Variants in LYST observed in about 807,000 individuals in gnomAD.
LYST encodes lysosomal trafficking regulator.
LYST carries 192 observed loss-of-function variants against 413.6 expected under a neutral mutation model. The observed-to-expected ratio is 0.46, with a 90% CI of 0.41 to 0.52. LYST has a LOEUF of 0.52. LYST is among the 20% of genes least tolerant of loss of function. LYST has a pLI of 0.00. For synonymous variants in LYST, 1,525 were observed against 1,567.3 expected (o/e 0.97, Z 0.64); for missense variants, 3,815 against 4,499.9 (o/e 0.85, Z 4.35).
At position 235,809,785 on chromosome 1, in the gene LYST, T is replaced by A. The variant is rs755066007; in HGVS notation, c.1033A>T (p.Met345Leu). ...LSVDVSTAEM[M>L]PENLRKNLTE... ...AAATTTTTCCTAAGATTTTCTGGCA[T>A]CATCTCTGCAGTACTAACATCTACT... The change falls in exon 5 of 53, where the codon ATG becomes TTG. Residue 345 changes from methionine to leucine, a missense_variant. Met to Leu is a conservative substitution (Grantham distance 15). Coordinates refer to ENST00000389793, the MANE Select transcript of LYST (RefSeq NM_000081.4). The surrounding 1 kb of genome is among the most constrained non-coding windows in gnomAD (Gnocchi z 4.0). 6.2e-7 allele frequency: 1 copy of A among 1,614,092 alleles called. No individual in the cohort carries two copies. Among genetic ancestry groups the A allele is most frequent in the South Asian group, 1.1e-5 (1 of 91,088 alleles).
intron 50 of LYST, among the ~76,000 whole-genome samples, chr1:235,673,901 C>T (rs538641943): frequency 6.6e-6 from 1 of 152,234 alleles, no homozygotes; most frequent in Non-Finnish European, 1.5e-5. Flanking sequence ...TTAAATATTC[C>T]GCTCACACCT....
chr1:235,829,775 G>A (rs1675746594), intron 3 of LYST: 1 of 159,322 alleles, frequency 6.3e-6, no homozygotes, highest in South Asian at 1.8e-4. Context: ...ATGTATACAA[G>A]CTAAAGGACT....
Position 235,837,698 on chromosome 1 carries a change from G to A in LYST, c.-97-4031C>T, listed in dbSNP as rs2385026. Among the ~76,000 whole-genome samples, 764 of 151,764 alleles carry A rather than the reference G, an allele frequency of 5.0e-3. 5 individuals are homozygous for A. The highest frequency in any genetic ancestry group is 0.017 in the Middle Eastern group (5 of 292). On this transcript the variant is annotated intron_variant, in intron 1 of 52. Coordinates refer to ENST00000389793, the MANE Select transcript of LYST (RefSeq NM_000081.4). ...GACTGGGAATTGACTGCTGGATTTA[G>A]CAACATGGAAGTTACTGACAATCTT...
intron 1 of LYST, among the ~76,000 whole-genome samples, chr1:235,844,118 T>C (rs1677519011): frequency 6.6e-6 from 1 of 152,220 alleles, no homozygotes; most frequent in Non-Finnish European, 1.5e-5. Flanking sequence ...GCAGCCTTCT[T>C]GAAAATAAAG....
At chr1:235,829,868 A>T (rs1430343001) in intron 3 of LYST, 2 of 175,940 alleles carry the variant, frequency 1.1e-5, no homozygotes, top group Non-Finnish European at 2.4e-5. Context: ...AACATACTTG[A>T]TATTTATTGA....
At chr1:235,680,234 C>T (rs1031578841) in intron 48 of LYST, among the ~76,000 whole-genome samples, 9 of 152,142 alleles carry the variant, frequency 5.9e-5, no homozygotes, top group Middle Eastern at 6.8e-3. Flanking sequence ...TGTTGGCCAT[C>T]GGCCATGATC....
At chr1:235,802,686 C>G (rs1303597186) in intron 8 of LYST, among the ~76,000 whole-genome samples, 2 of 152,164 alleles carry the variant, frequency 1.3e-5, no homozygotes, top group Non-Finnish European at 2.9e-5. Context: ...GTCCTTCACT[C>G]CATGTTCTTA....
upstream of LYST, among the ~76,000 whole-genome samples, chr1:235,870,960 G>A (rs368990884): frequency 7.2e-5 from 11 of 152,174 alleles, no homozygotes; most frequent in Admixed American, 1.3e-4. Context: ...ACAAGACTGC[G>A]ATTTCAGCAA....
intron 44 of LYST, among the ~76,000 whole-genome samples, chr1:235,708,361 A>G (rs978064565): frequency 1.3e-5 from 2 of 152,192 alleles, no homozygotes; most frequent in Admixed American, 6.5e-5. Context: ...TAGAACATGT[A>G]TGTAGGATAG....
chr1:235,728,323 C>T (rs527788011), intron 37 of LYST, among the ~76,000 whole-genome samples, 192 bp from the exon 38 acceptor site: 1 of 151,692 alleles, frequency 6.6e-6, no homozygotes, highest in Non-Finnish European at 1.5e-5. Flanking sequence ...CTCTTTGTGT[C>T]TTAATTTCTT....
chr1:235,738,842 GGAT>G, intron 31 of LYST: 1 of 775,852 alleles, frequency 1.3e-6, no homozygotes, highest in Non-Finnish European at 2.4e-6. Flanking sequence ...GTGGAATAAA[GGAT>G]GATGTCTTCC....
At chr1:235,851,783 T>G (rs1678572415) in intron 1 of LYST, among the ~76,000 whole-genome samples, 1 of 152,136 alleles carries the variant, frequency 6.6e-6, no homozygotes, top group African/African-American at 2.4e-5. Flanking sequence ...GGGCTTTGTG[T>G]GATCAAATTC....
At chr1:235,874,953 C>A (rs985509636) in intron 1 of LYST, among the ~76,000 whole-genome samples, 1 of 152,224 alleles carries the variant, frequency 6.6e-6, no homozygotes, top group Non-Finnish European at 1.5e-5. Context: ...CTCCTCCAAC[C>A]AGCAGCATCA....
intron 44 of LYST, among the ~76,000 whole-genome samples, chr1:235,704,857 A>AT (rs1184044637): frequency 3.3e-5 from 5 of 152,212 alleles, no homozygotes; most frequent in Non-Finnish European, 5.9e-5. Context: ...AAAAAATCAA[A>AT]TAAGGATTGA....
At chr1:235,851,377 T>C (rs1170141475) in intron 1 of LYST, among the ~76,000 whole-genome samples, 1 of 147,042 alleles carries the variant, frequency 6.8e-6, no homozygotes. Flanking sequence ...CATAGAATGA[T>C]ACAATGGACT....
At chr1:235,778,791 CAA>C (rs1399221860) in intron 16 of LYST, among the ~76,000 whole-genome samples, 1 of 152,040 alleles carries the variant, frequency 6.6e-6, no homozygotes, top group Non-Finnish European at 1.5e-5. Flanking sequence ...GCTGGAAAAG[CAA>C]AGTTTCAAAC....
At chr1:235,685,075 T>C (rs999231505) in intron 48 of LYST, among the ~76,000 whole-genome samples, 4 of 152,216 alleles carry the variant, frequency 2.6e-5, no homozygotes, top group Non-Finnish European at 5.9e-5. Context: ...AAAATCCCCA[T>C]GCCTTTGATT....
At chr1:235,688,611 C>A (rs771707827) in intron 47 of LYST, among the ~76,000 whole-genome samples, 1 of 152,166 alleles carries the variant, frequency 6.6e-6, no homozygotes, top group Non-Finnish European at 1.5e-5. Context: ...CATGAAGGCA[C>A]ACAGCCGTCA....
chr1:235,868,933 G>T (rs1244499742), upstream of LYST, among the ~76,000 whole-genome samples: 1 of 152,036 alleles, frequency 6.6e-6, no homozygotes, highest in Non-Finnish European at 1.5e-5. Flanking sequence ...GACCTCAGGT[G>T]ATCCACCCAC....
Sources: gnomAD v4.1 joint callset for allele counts (sites outside exome capture counted in the v4.1 genomes callset) on GRCh38, gnomAD v4.1.1 for gene constraint, Gnocchi (gnomAD v3.1) non-coding constraint, MANE v1.5 for transcripts, NCBI Gene and HGNC (gene_info 2026-07-23, HGNC 2026-07-21) for gene names.